PRRG4: variants seen among roughly 807,000 people sequenced by gnomAD.
The protein encoded by PRRG4 is transmembrane gamma-carboxyglutamic acid protein 4.
In PRRG4, 12 loss-of-function variants were observed where a neutral mutation model predicts 20.0. The observed-to-expected ratio is 0.60, with a 90% CI of 0.38 to 0.97. The LOEUF is 0.97. Among genes scored for constraint, PRRG4 ranks in the 50% least tolerant of loss-of-function variants. PRRG4 has a pLI of 0.00. For synonymous variants in PRRG4, 94 were observed against 96.4 expected (o/e 0.98, Z 0.15); for missense variants, 199 against 265.1 (o/e 0.75, Z 1.73).
Position 32,854,020 on chromosome 11 carries a change from CTG to C in PRRG4, c.*495_*496del, listed in dbSNP as rs1410929298. The C allele has an allele frequency of 6.5e-6, 1 of 154,126 alleles. No individual in the cohort carries two copies. The highest frequency in any genetic ancestry group is 1.4e-5 in the Non-Finnish European group (1 of 69,278). The allele number at this position is 154,126 out of a possible 1,614,324, so 9.5% of individuals were successfully genotyped here. On this transcript the variant is annotated 3_prime_UTR_variant, in exon 6 of 6. Transcript: ENST00000257836. ...GTCCATGTACTGTACCACAGAAGTT[CTG>C]TCTGCATCTTGGACCTGAACTTGAT...
In PRRG4 at chr11:32,856,385, C is replaced by A. The variant is rs1851227657; in HGVS notation, c.*2858C>A. 6.6e-6 allele frequency: 1 copy of A among 152,120 alleles called. No individual in the cohort carries two copies. The highest frequency in any genetic ancestry group is 1.5e-5 in the Non-Finnish European group (1 of 68,034). 9.4% of individuals were successfully genotyped at this position (152,120 alleles called of 1,614,324 possible). A position where few individuals can be genotyped will look rare whatever the true frequency, so the allele number is the denominator to read the frequency against. ...TTTATAGAGCATCCAATGTGGAGAT[C>A]ATGATACTTTAAATATAAAAAGGAA... On this transcript the variant is annotated 3_prime_UTR_variant, in exon 6 of 6. Transcript: ENST00000257836.
chr11:32,830,206 A>C, intron 1 of PRRG4, 33 bp downstream of exon 1: 1 of 1,072,822 alleles, frequency 9.3e-7, no homozygotes, highest in Non-Finnish European at 1.1e-6. Context: ...CTCGGCGGGG[A>C]GGGGGTTACC....
chr11:32,844,483 T>G (rs1213558070), intron 5 of PRRG4, among the ~76,000 whole-genome samples: 2 of 87,800 alleles, frequency 2.3e-5, no homozygotes, highest in Admixed American at 1.2e-4. Context: ...TTATTATTAT[T>G]ATTATTATTA....
At position 32,850,942 on chromosome 11, in the gene PRRG4, G is replaced by A. The variant is rs372218135; in HGVS notation, c.450-2354G>A. 4.7e-4 allele frequency among the ~76,000 whole-genome samples: 72 copies of A among 152,174 alleles called. 2 individuals carry two copies. In the South Asian group the frequency reaches 0.014, roughly 30 times the overall value. On this transcript the variant is annotated intron_variant, in intron 5 of 5. Transcript: ENST00000257836. ...ACAAAAATTAGCCGGGTGTGGTGGC[G>A]GGCACCTGTAATCTCATCTATTCAG...
At position 32,839,303 on chromosome 11, in the gene PRRG4, G is replaced by A. The variant is rs140217298; in HGVS notation, c.316+373G>A. Among the ~76,000 whole-genome samples, 252 of 152,252 alleles carry A rather than the reference G, an allele frequency of 1.7e-3. No homozygotes were observed. In the Middle Eastern group the frequency reaches 0.017, roughly 10 times the overall value. ...GGAACATTTATGCTAGATAAATTAA[G>A]ATTGTTGGATCGAATTAAGTAACTT... On this transcript the variant is annotated intron_variant, in intron 4 of 5. Transcript: ENST00000257836.
intron 5 of PRRG4, among the ~76,000 whole-genome samples, chr11:32,846,206 C>T (rs1851129371): frequency 6.6e-6 from 1 of 152,120 alleles, no homozygotes; most frequent in Admixed American, 6.6e-5. Flanking sequence ...GACAGGATCT[C>T]ACTATGTTGC....
At chr11:32,839,090 G>A (rs879714530) in intron 4 of PRRG4, among the ~76,000 whole-genome samples, 160 bp downstream of exon 4, 6 of 152,142 alleles carry the variant, frequency 3.9e-5, no homozygotes, top group Non-Finnish European at 8.8e-5. Flanking sequence ...GACAGAAAAG[G>A]ACAGATTCAT....
intron 2 of PRRG4, among the ~76,000 whole-genome samples, chr11:32,831,850 G>A (rs1391455003): frequency 7.9e-5 from 12 of 152,020 alleles, no homozygotes; most frequent in African/African-American, 7.3e-5. Flanking sequence ...GTGAAACCCC[G>A]TCTCTACTAA....
At chr11:32,843,500 A>G (rs1181695245) in intron 5 of PRRG4, among the ~76,000 whole-genome samples, 1 of 151,758 alleles carries the variant, frequency 6.6e-6, no homozygotes, top group African/African-American at 2.4e-5. Context: ...CTTTTGCACC[A>G]ACCTAATAAC....
intron 2 of PRRG4, 82 bp from the exon 3 acceptor site, chr11:32,836,576 T>G: frequency 4.0e-6 from 3 of 749,938 alleles, no homozygotes; most frequent in Non-Finnish European, 6.2e-6. Flanking sequence ...TCAAGAGAAC[T>G]ATTCACTTTT....
chr11:32,837,544 T>TG (rs1565113910), intron 3 of PRRG4, among the ~76,000 whole-genome samples: 1,327 of 81,030 alleles, frequency 0.016, 6 homozygotes, highest in East Asian at 0.039. Context: ...TGATGATGAT[T>TG]ATTATTATTA....
At chr11:32,845,341 C>CT (rs1851118025) in intron 5 of PRRG4, among the ~76,000 whole-genome samples, 2 of 152,108 alleles carry the variant, frequency 1.3e-5, no homozygotes, top group African/African-American at 4.8e-5. Context: ...ATAGAGAACA[C>CT]TCGGCTGGGT....
chr11:32,852,774 T>C (rs955791478), intron 5 of PRRG4, among the ~76,000 whole-genome samples: 9 of 134,654 alleles, frequency 6.7e-5, no homozygotes, highest in South Asian at 2.3e-4. Context: ...AGATTTCTCT[T>C]TTTTTTTTTT....
intron 5 of PRRG4, among the ~76,000 whole-genome samples, chr11:32,850,520 T>C (rs188029657): frequency 0.012 from 1,891 of 152,316 alleles, 16 homozygotes; most frequent in Non-Finnish European, 0.018. Flanking sequence ...TTGTCTCACT[T>C]TGTTCCCCTC....
rs949959855 is a variant in PRRG4, at chr11:32,853,737, A to T, written c.*210A>T. 2.0e-6 allele frequency: 1 copy of T among 493,774 alleles called. No individual in the cohort carries two copies. The highest frequency in any genetic ancestry group is 3.7e-6 in the Non-Finnish European group (1 of 272,188). The allele number at this position is 493,774 out of a possible 1,614,324, so 30.6% of individuals were successfully genotyped here. A position where few individuals can be genotyped will look rare whatever the true frequency, so the allele number is the denominator to read the frequency against. ...CACCTACTTGGGAGGCTGAAGCAGG[A>T]GAATTGCTCGAACCTGGGAGGCAGA... is the stretch of plus-strand genomic sequence containing the variant. On this transcript the variant is annotated 3_prime_UTR_variant, in exon 6 of 6. Transcript: ENST00000257836.
At chr11:32,833,079 A>G (rs1202633110) in intron 2 of PRRG4, among the ~76,000 whole-genome samples, 2 of 152,204 alleles carry the variant, frequency 1.3e-5, no homozygotes, top group Admixed American at 1.3e-4. Flanking sequence ...CTTCCTTTCA[A>G]TTAAAAGCAA....
In PRRG4 at chr11:32,840,194, GCTA is replaced by G; in HGVS notation, c.408_410del (p.Tyr137del). 6.2e-7 allele frequency: 1 copy of G among 1,607,646 alleles called. No individual in the cohort carries two copies. Among genetic ancestry groups the G allele is most frequent in the Non-Finnish European group, 8.5e-7 (1 of 1,174,740 alleles). On this transcript the variant is annotated inframe_deletion, in exon 5 of 6. Coordinates refer to ENST00000257836, the MANE Select transcript of PRRG4 (RefSeq NM_024081.6). The surrounding 1 kb of genome is among the most constrained non-coding windows in gnomAD (Gnocchi z 4.1). ...TTTTTGGTTATTTTTGGATTACTTG[GCTA>G]CTATCTTTGTATCACTAAGTGTAAT...
At chr11:32,829,792 A>C, upstream of PRRG4, 3 of 985,318 alleles carry the variant, frequency 3.0e-6, no homozygotes, top group African/African-American at 1.7e-5. Flanking sequence ...ATGGGGCAGA[A>C]GCTGGGGCGG....
In PRRG4 at chr11:32,837,522, TGATGATG is replaced by T. The variant is rs1565113748; in HGVS notation, c.267+702_267+708del. On this transcript the variant is annotated intron_variant, in intron 3 of 5. Coordinates refer to ENST00000257836, the MANE Select transcript of PRRG4 (RefSeq NM_024081.6). ...TAACTAACTGAGATGATGATGATGATGATGATGATGATGATGATGATTATTATTATTA... is the reference window on the plus strand; with the variant it reads ...TAACTAACTGAGATGATGATGATGATATGATGATGATGATTATTATTATTA... Among the ~76,000 whole-genome samples the T allele has an allele frequency of 4.0e-3, 434 of 108,580 alleles. 3 individuals are homozygous for T. Among genetic ancestry groups the T allele is most frequent in the African/African-American group, 0.015 (420 of 27,662 alleles). The allele number at this position is 108,580 out of a possible 152,430, so 71.2% of individuals were successfully genotyped here.
Sources: allele counts gnomAD v4.1 joint callset (sites outside exome capture counted in the v4.1 genomes callset), GRCh38; gene constraint gnomAD v4.1.1; non-coding constraint Gnocchi (gnomAD v3.1); transcripts MANE v1.5; gene names NCBI Gene and HGNC (gene_info 2026-07-23, HGNC 2026-07-21).